Variants in ZFAT observed in about 807,000 individuals in gnomAD.
ZFAT encodes zinc finger and AT-hook domain containing, also known as zinc finger protein ZFAT.
Under a neutral mutation model 117.7 loss-of-function variants are expected in ZFAT, and 64 were observed. That is an observed-to-expected ratio of 0.54 (90% CI 0.44 to 0.67). The LOEUF (loss-of-function observed/expected upper bound fraction) is 0.67. Among genes scored for constraint, ZFAT ranks in the 30% least tolerant of loss-of-function variants. The pLI, the probability that ZFAT is intolerant of heterozygous loss-of-function variation, is 0.00. For synonymous variants in ZFAT, 679 were observed against 615.0 expected, an observed-to-expected ratio of 1.10 and a Z score of -1.54; for missense variants, 1,433 against 1,584.5, an observed-to-expected ratio of 0.90 and a Z score of 1.62.
the ZFAT span, among the ~76,000 whole-genome samples, chr8:134,737,761 A>G: frequency 6.6e-6 from 1 of 152,216 alleles, no homozygotes; most frequent in African/African-American, 2.4e-5. Context: ...ACCTAGCATC[A>G]TGGGTGGTGA....
chr8:134,519,783 GT>G (rs1820516226), intron 13 of ZFAT, among the ~76,000 whole-genome samples: 1 of 152,014 alleles, frequency 6.6e-6, no homozygotes, highest in South Asian at 2.1e-4. Flanking sequence ...ACACTCTAGT[GT>G]TTCCCAGTGA....
chr8:134,758,486 T>C, the ZFAT span, among the ~76,000 whole-genome samples: 1 of 152,216 alleles, frequency 6.6e-6, no homozygotes, highest in Non-Finnish European at 1.5e-5. Flanking sequence ...GCTCCAATCT[T>C]TGGTTCTGTT....
chr8:134,642,367 C>T (rs1407445536), intron 2 of ZFAT, among the ~76,000 whole-genome samples: 9 of 152,146 alleles, frequency 5.9e-5, no homozygotes, highest in South Asian at 2.1e-4. Context: ...GTTTCCAATG[C>T]GAAAAATAAA....
chr8:134,565,485 GC>G, intron 10 of ZFAT, 64 bp from the exon 11 acceptor site: 2 of 1,471,394 alleles, frequency 1.4e-6, no homozygotes, highest in Non-Finnish European at 9.4e-7. Context: ...TGAATGAAGT[GC>G]CAGGCATGGA....
At chr8:134,497,202 C>T (rs1043128383) in intron 15 of ZFAT, among the ~76,000 whole-genome samples, 17 of 152,210 alleles carry the variant, frequency 1.1e-4, no homozygotes, top group Non-Finnish European at 2.2e-4. Context: ...TTACTGGAGA[C>T]GTTCTGAGTT....
At chr8:134,562,376 T>A (rs1432435830) in intron 11 of ZFAT, among the ~76,000 whole-genome samples, 1 of 152,158 alleles carries the variant, frequency 6.6e-6, no homozygotes, top group Non-Finnish European at 1.5e-5. Flanking sequence ...GGTAATCTGT[T>A]ACAGGAGCAA....
chr8:134,498,259 G>A (rs565493692), intron 15 of ZFAT, among the ~76,000 whole-genome samples: 1 of 143,092 alleles, frequency 7.0e-6, no homozygotes, highest in Non-Finnish European at 1.5e-5. Context: ...ATTTGGTAGG[G>A]TTGGGGTGGA....
upstream of ZFAT, among the ~76,000 whole-genome samples, chr8:134,713,223 G>T (rs1238621316): frequency 6.6e-6 from 1 of 152,190 alleles, no homozygotes; most frequent in Non-Finnish European, 1.5e-5. Flanking sequence ...CCCAGGGAGG[G>T]GCCCTCGGGA....
At chr8:134,643,683 T>C (rs1468989324) in intron 2 of ZFAT, among the ~76,000 whole-genome samples, 1 of 152,206 alleles carries the variant, frequency 6.6e-6, no homozygotes, top group Non-Finnish European at 1.5e-5. Context: ...CAAATTCCAC[T>C]AGCCAAGCTG....
intron 15 of ZFAT, among the ~76,000 whole-genome samples, chr8:134,502,760 C>G (rs565040664): frequency 4.4e-4 from 67 of 152,204 alleles, no homozygotes; most frequent in Non-Finnish European, 7.2e-4. Context: ...CAGAGGAGCA[C>G]TTGGGATTTT....
At chr8:134,591,035 GT>G (rs1826465548) in intron 7 of ZFAT, among the ~76,000 whole-genome samples, 1 of 152,202 alleles carries the variant, frequency 6.6e-6, no homozygotes, top group Non-Finnish European at 1.5e-5. Flanking sequence ...AGAGGGGAGA[GT>G]TCTGTGGAGG....
At chr8:134,600,801 T>A in intron 6 of ZFAT, 133 bp from the exon 7 acceptor site, 1 of 716,524 alleles carries the variant, frequency 1.4e-6, no homozygotes, top group Non-Finnish European at 2.2e-6. Flanking sequence ...TTCATACTTT[T>A]CACCACATTT....
chr8:134,775,459 A>T, the ZFAT span, among the ~76,000 whole-genome samples: 1 of 152,094 alleles, frequency 6.6e-6, no homozygotes, highest in Non-Finnish European at 1.5e-5. Flanking sequence ...TGGTTCCTTC[A>T]TGTTTCTACC....
At chr8:134,534,983 C>A (rs920938476) in intron 11 of ZFAT, among the ~76,000 whole-genome samples, 1 of 152,142 alleles carries the variant, frequency 6.6e-6, no homozygotes, top group African/African-American at 2.4e-5. Context: ...CTGGGGATGC[C>A]CCCTGCTCAG....
chr8:134,485,919 G>A (rs961722317), intron 15 of ZFAT, among the ~76,000 whole-genome samples: 8 of 152,124 alleles, frequency 5.3e-5, no homozygotes. Context: ...TTCAAAACAG[G>A]GTGCGAAGAA....
the ZFAT span, among the ~76,000 whole-genome samples, chr8:134,822,290 T>G: frequency 6.6e-6 from 1 of 152,126 alleles, no homozygotes; most frequent in African/African-American, 2.4e-5. Context: ...CATTGAAAAA[T>G]GATCCCTTGC....
chr8:134,597,991 A>G (rs1486639560), intron 7 of ZFAT: 1 of 152,346 alleles, frequency 6.6e-6, no homozygotes, highest in African/African-American at 2.4e-5. Context: ...AACAGCACAG[A>G]AAGAATCAGC....
At chr8:134,790,386 C>A in the ZFAT span, among the ~76,000 whole-genome samples, 1 of 152,166 alleles carries the variant, frequency 6.6e-6, no homozygotes, top group Non-Finnish European at 1.5e-5. Flanking sequence ...CTTTAGCCTG[C>A]AGAACATGCT....
At chr8:134,568,097 A>G (rs747648154) in intron 10 of ZFAT, among the ~76,000 whole-genome samples, 44 of 152,248 alleles carry the variant, frequency 2.9e-4, no homozygotes, top group Non-Finnish European at 5.6e-4. Context: ...GCATTTCATT[A>G]AACTGAACTG....
Sources: gnomAD v4.1 joint callset for allele counts (sites outside exome capture counted in the v4.1 genomes callset) on GRCh38, gnomAD v4.1.1 for gene constraint, MANE v1.5 for transcripts, NCBI Gene and HGNC (gene_info 2026-07-23, HGNC 2026-07-21) for gene names.